The following XPO4 variants were observed in gnomAD, a reference collection of about 807,000 sequenced individuals.
XPO4 encodes exportin 4, also known as exportin-4.
A neutral mutation model predicts 143.0 loss-of-function variants in XPO4; 39 were observed. The observed-to-expected ratio is 0.27, with a 90% CI of 0.21 to 0.36. The LOEUF is 0.36. XPO4 is among the 10% of genes least tolerant of loss of function. The pLI is 1.00. For missense variants in XPO4, 907 were observed against 1,348.0 expected, an observed-to-expected ratio of 0.67 and a Z score of 5.12; for synonymous variants, 439 against 474.0, an observed-to-expected ratio of 0.93 and a Z score of 0.96.
chr13:20,796,275 C>G lies in XPO4; in HGVS notation c.2617-19G>C. On this transcript the variant is annotated intron_variant, in intron 17 of 22. Transcript: ENST00000255305. ...CTTTGGACTGAAAAAAAAAAAAATG[C>G]ACAAATTATGCTACTTGGTACACTG... is the stretch of plus-strand genomic sequence containing the variant. 1 of 1,490,230 alleles carries G rather than the reference C, an allele frequency of 6.7e-7. No individual in the cohort carries two copies. Among genetic ancestry groups the G allele is most frequent in the Non-Finnish European group, 9.1e-7 (1 of 1,103,796 alleles). The allele number at this position is 1,490,230 out of a possible 1,614,324, so 92.3% of individuals were successfully genotyped here.
chr13:20,800,451 C>G, intron 14 of XPO4, 126 bp from the exon 15 acceptor site: 2 of 839,748 alleles, frequency 2.4e-6, no homozygotes, highest in Non-Finnish European at 3.6e-6. Context: ...ATCAACTTTA[C>G]ACATGTACTC....
intron 9 of XPO4, among the ~76,000 whole-genome samples, 190 bp downstream of exon 9, chr13:20,821,514 C>G (rs575301207): frequency 6.6e-6 from 1 of 152,188 alleles, no homozygotes; most frequent in African/African-American, 2.4e-5. Context: ...ATATCACCAA[C>G]TAAAGCTATT....
chr13:20,857,641 G>T (rs996475743), intron 3 of XPO4, among the ~76,000 whole-genome samples: 9 of 152,010 alleles, frequency 5.9e-5, no homozygotes, highest in African/African-American at 2.2e-4. Flanking sequence ...GCAGGAGAAT[G>T]GCATGAACCC....
intron 1 of XPO4, among the ~76,000 whole-genome samples, chr13:20,887,730 G>A (rs562659445): frequency 4.0e-4 from 61 of 152,114 alleles, no homozygotes; most frequent in African/African-American, 1.2e-3. Context: ...GCGTGGTGGT[G>A]CACACCTGTA....
chr13:20,786,250 T>G (rs1271089626), intron 22 of XPO4, among the ~76,000 whole-genome samples: 3 of 151,002 alleles, frequency 2.0e-5, no homozygotes, highest in African/African-American at 7.3e-5. Flanking sequence ...AAGATGGAAA[T>G]AAAACGCCAA....
chr13:20,865,105 A>G (rs2060233683), intron 2 of XPO4, among the ~76,000 whole-genome samples: 2 of 151,670 alleles, frequency 1.3e-5, no homozygotes, highest in Admixed American at 6.6e-5. Flanking sequence ...CTGAAACTAC[A>G]GGGTTTTCAT....
chr13:20,844,591 C>T (rs976318396), intron 4 of XPO4, among the ~76,000 whole-genome samples: 10 of 152,066 alleles, frequency 6.6e-5, no homozygotes, highest in African/African-American at 1.9e-4. Context: ...TCTGAACAAC[C>T]GAAAGATTAA....
intron 1 of XPO4, chr13:20,869,480 T>C (rs1188545394): frequency 3.1e-6 from 3 of 965,486 alleles, no homozygotes; most frequent in Non-Finnish European, 3.7e-6. Flanking sequence ...TGGAGGTAGA[T>C]GGCAGGAAAA....
At chr13:20,791,515 A>G (rs1319633963) in intron 18 of XPO4, among the ~76,000 whole-genome samples, 1 of 152,242 alleles carries the variant, frequency 6.6e-6, no homozygotes, top group Non-Finnish European at 1.5e-5. Context: ...GGAATGCCAC[A>G]TAACCATTAA....
chr13:20,798,791 G>A (rs532997579), intron 16 of XPO4, among the ~76,000 whole-genome samples: 3 of 152,154 alleles, frequency 2.0e-5, no homozygotes, highest in East Asian at 3.9e-4. Context: ...AGGCCAAGGC[G>A]GGCAGATTGC....
chr13:20,884,919 A>G (rs2060446788), intron 1 of XPO4, among the ~76,000 whole-genome samples: 1 of 151,742 alleles, frequency 6.6e-6, no homozygotes. Context: ...GGACAGCAAT[A>G]GCGCATTAAG....
chr13:20,787,097 A>G, intron 21 of XPO4, 40 bp from the exon 22 acceptor site: 3 of 1,506,628 alleles, frequency 2.0e-6, no homozygotes, highest in Non-Finnish European at 2.7e-6. Flanking sequence ...ACATAGGATG[A>G]TCATATATCC....
At chr13:20,872,411 C>A (rs186886802) in intron 1 of XPO4, among the ~76,000 whole-genome samples, 2 of 152,310 alleles carry the variant, frequency 1.3e-5, no homozygotes, top group East Asian at 3.9e-4. Context: ...CTGCCCCCTA[C>A]CCTTCCTTTT....
At chr13:20,837,170 C>T (rs950067664) in intron 6 of XPO4, among the ~76,000 whole-genome samples, 2 of 152,136 alleles carry the variant, frequency 1.3e-5, no homozygotes, top group Admixed American at 6.5e-5. Context: ...GTGTGGATGA[C>T]TATTGATACT....
chr13:20,866,102 GAACT>G (rs2060242524), intron 2 of XPO4: 15 of 985,340 alleles, frequency 1.5e-5, no homozygotes, highest in Non-Finnish European at 1.8e-5. Flanking sequence ...AACAAGAACA[GAACT>G]CACTTGTTTT....
rs1566565997 is a variant in XPO4, at chr13:20,800,271, T to A, written c.2032A>T (p.Ile678Leu). The change falls in exon 15 of 23, where the codon ATA becomes TTA. Residue 678 changes from isoleucine (I) to leucine (L), a missense_variant. Physicochemically the swap from Ile to Leu is conservative, Grantham distance 5. Transcript: ENST00000255305. The part of the protein sequence containing the change: ...FGADTEGSQW[I>L]IGYLLQKVIS... Reference sequence around the variant, plus strand: ...ACTTTTTGTAAGAGGTAGCCAATTATCCACTGAGAACCCTCTGTATCTGCT... The same window carrying A: ...ACTTTTTGTAAGAGGTAGCCAATTAACCACTGAGAACCCTCTGTATCTGCT... 6.2e-7 allele frequency: 1 copy of A among 1,613,926 alleles called. No individual in the cohort carries two copies. The highest frequency in any genetic ancestry group is 8.5e-7 in the Non-Finnish European group (1 of 1,180,014).
Position 20,810,280 on chromosome 13 carries a change from C to T in XPO4, c.1174-313G>A, listed in dbSNP as rs1245169930. Reference sequence around the variant, plus strand: ...AATAAAAAAAAATGTATACACCCTACGCACTTTAAAATGGTTTTAGAGAAA... The same window carrying T: ...AATAAAAAAAAATGTATACACCCTATGCACTTTAAAATGGTTTTAGAGAAA... On this transcript the variant is annotated intron_variant, in intron 9 of 22. Coordinates refer to ENST00000255305, the MANE Select transcript of XPO4 (RefSeq NM_022459.5). Among the ~76,000 whole-genome samples, 5 of 152,066 alleles carry T rather than the reference C, an allele frequency of 3.3e-5. No homozygotes were observed. In the East Asian group the frequency reaches 5.8e-4, roughly 18 times the overall value.
rs1178026412 is a variant in XPO4, at chr13:20,782,235, T to C, written c.*1487A>G. On this transcript the variant is annotated 3_prime_UTR_variant, in exon 23 of 23. Coordinates refer to ENST00000255305, the MANE Select transcript of XPO4 (RefSeq NM_022459.5). ...AGGTAGAAAAACCGTATTTGCAGAATGGTTTAATAGATAGGTGTCAGGAAC... is the reference window on the plus strand; with the variant it reads ...AGGTAGAAAAACCGTATTTGCAGAACGGTTTAATAGATAGGTGTCAGGAAC... 3 of 152,348 alleles carry C rather than the reference T, an allele frequency of 2.0e-5. No homozygotes were observed. The East Asian group carries it at 5.8e-4, about 29-fold the overall frequency. 9.4% of individuals were successfully genotyped at this position (152,348 alleles called of 1,614,324 possible). A position where few individuals can be genotyped will look rare whatever the true frequency, so the allele number is the denominator to read the frequency against.
rs542651952 is a variant in XPO4, at chr13:20,889,348, C to T, written c.69+13322G>A. Among the ~76,000 whole-genome samples, 180 of 152,240 alleles carry T rather than the reference C, an allele frequency of 1.2e-3. 5 individuals are homozygous for T. In the South Asian group the frequency reaches 0.036, roughly 31 times the overall value. Reference sequence around the variant, plus strand: ...CTGTCAATCATGGTAAAATGGATCACGTAAGTGTCATCTCAGACCTTGAGT... The same window carrying T: ...CTGTCAATCATGGTAAAATGGATCATGTAAGTGTCATCTCAGACCTTGAGT... On this transcript the variant is annotated intron_variant, in intron 1 of 22. Coordinates refer to ENST00000255305, the MANE Select transcript of XPO4 (RefSeq NM_022459.5).
Sources: gnomAD v4.1 joint callset for allele counts (sites outside exome capture counted in the v4.1 genomes callset) on GRCh38, gnomAD v4.1.1 for gene constraint, MANE v1.5 for transcripts, NCBI Gene and HGNC (gene_info 2026-07-23, HGNC 2026-07-21) for gene names.